The following PCDHA2 variants were observed in gnomAD, a reference collection of about 807,000 sequenced individuals.
PCDHA2 encodes the protein protocadherin alpha-2.
PCDHA2 carries 58 observed loss-of-function variants against 66.0 expected under a neutral mutation model. The observed-to-expected ratio is 0.88, with a 90% CI of 0.71 to 1.09. The LOEUF (loss-of-function observed/expected upper bound fraction) is 1.09. PCDHA2 is among the 50% of genes least tolerant of loss of function. The probability of loss-of-function intolerance (pLI) is 0.00; values close to 1 mark genes in which losing one functional copy is unlikely to be tolerated. For synonymous variants in PCDHA2, 634 were observed against 554.0 expected (o/e 1.14, Z -2.03); for missense variants, 1,267 against 1,242.3 (o/e 1.02, Z -0.30).
rs2150130630 is a variant in PCDHA2, at chr5:140,823,943, C to T, written c.2388+26591C>T. On this transcript the variant is annotated intron_variant, in intron 1 of 3. Coordinates refer to ENST00000526136, the MANE Select transcript of PCDHA2 (RefSeq NM_018905.3). ...CTGCTGTACACCGCGCTGCGGTGCT[C>T]GGCGCAGCCCACCGAGGCCGTGTGC... 6.8e-6 allele frequency: 11 copies of T among 1,613,800 alleles called. No individual in the cohort carries two copies. In the African/African-American group the frequency reaches 8.0e-5, roughly 12 times the overall value.
At chr5:140,935,732 A>G (rs933243274) in intron 1 of PCDHA2, among the ~76,000 whole-genome samples, 3 of 152,212 alleles carry the variant, frequency 2.0e-5, no homozygotes, top group African/African-American at 4.8e-5. Flanking sequence ...GAAGTCTAGT[A>G]TCTATTATTC....
In PCDHA2 at chr5:140,979,008, G is replaced by T; in HGVS notation, c.2447+1G>T. 1 of 1,613,990 alleles carries T rather than the reference G, an allele frequency of 6.2e-7. No individual in the cohort carries two copies. The highest frequency in any genetic ancestry group is 1.3e-5 in the African/African-American group (1 of 75,044). ...CCTCCCTGAGAGCAGGCATGCACAG[G>T]TATGTATTTCCCTCCTCATTCACTC... On this transcript the variant is annotated splice_donor_variant, in intron 2 of 3. Transcript: ENST00000526136. LOFTEE classifies it high-confidence loss of function.
chr5:140,876,936 G>T, intron 1 of PCDHA2: 1 of 1,613,730 alleles, frequency 6.2e-7, no homozygotes, highest in South Asian at 1.1e-5. Flanking sequence ...AGAAGAACGC[G>T]CTGGTGTCCT....
chr5:141,000,485 T>C (rs2097941579), intron 3 of PCDHA2, among the ~76,000 whole-genome samples: 2 of 135,980 alleles, frequency 1.5e-5, no homozygotes, highest in African/African-American at 5.5e-5. Flanking sequence ...TGGAGTGCAA[T>C]GGTAAGATCT....
intron 2 of PCDHA2, 37 bp from the exon 3 acceptor site, chr5:140,982,438 T>G: frequency 3.8e-5 from 61 of 1,608,838 alleles, no homozygotes; most frequent in Non-Finnish European, 4.8e-5. Context: ...AAAGAATTTA[T>G]GATCTAACCG....
At chr5:140,966,972 T>G (rs1554229007) in intron 1 of PCDHA2, 1 of 1,602,828 alleles carries the variant, frequency 6.2e-7, no homozygotes, top group African/African-American at 1.3e-5. Flanking sequence ...GGGCTTGAGC[T>G]GCGGCGCTTG....
chr5:140,821,626 A>G, intron 1 of PCDHA2: 2 of 917,604 alleles, frequency 2.2e-6, no homozygotes, highest in Non-Finnish European at 3.2e-6. Context: ...TTTTCCTTAG[A>G]CAGAAAGGAA....
chr5:140,869,730 T>G (rs1319130298), intron 1 of PCDHA2: 24 of 1,613,274 alleles, frequency 1.5e-5, no homozygotes, highest in Non-Finnish European at 2.0e-5. Context: ...CGGAACTTAA[T>G]TTGCTGCTAA....
intron 1 of PCDHA2, chr5:140,804,873 T>C: frequency 1.7e-6 from 1 of 576,524 alleles, no homozygotes; most frequent in Non-Finnish European, 2.8e-6. Context: ...TAGATATTTT[T>C]CTTGACTCCT....
chr5:140,973,199 G>A (rs574187280), intron 1 of PCDHA2, among the ~76,000 whole-genome samples: 3 of 152,296 alleles, frequency 2.0e-5, no homozygotes, highest in East Asian at 3.9e-4. Context: ...CACTATGTGT[G>A]CATATTCACC....
chr5:140,823,111 G>T (rs2150122430), intron 1 of PCDHA2: 3 of 1,614,060 alleles, frequency 1.9e-6, no homozygotes, highest in Non-Finnish European at 1.7e-6. Flanking sequence ...GGAAGTGGCC[G>T]ACGTGAACGA....
rs1450871721 is a variant in PCDHA2, at chr5:140,999,541, C to T, written c.2537-10086C>T. 3.3e-5 allele frequency among the ~76,000 whole-genome samples: 5 copies of T among 152,150 alleles called. No individual in the cohort carries two copies. The East Asian group carries it at 9.7e-4, about 29-fold the overall frequency. On this transcript the variant is annotated intron_variant, in intron 3 of 3. Coordinates refer to ENST00000526136, the MANE Select transcript of PCDHA2 (RefSeq NM_018905.3). ...TTTGTTACCCCCTGGATATGACAGC[C>T]AATGAAGAGGGGGTATTTTGAGAAG...
chr5:140,824,014 T>G, intron 1 of PCDHA2: 1 of 1,614,050 alleles, frequency 6.2e-7, no homozygotes, highest in Non-Finnish European at 8.5e-7. Context: ...GGTGGGGAGC[T>G]GGTCGTACTC....
chr5:140,899,534 T>A (rs2067388979), intron 1 of PCDHA2, among the ~76,000 whole-genome samples: 1 of 152,234 alleles, frequency 6.6e-6, no homozygotes, highest in Non-Finnish European at 1.5e-5. Context: ...TGAAGCCCAC[T>A]TGATCATGGT....
At chr5:140,879,512 G>C (rs1378276808) in intron 1 of PCDHA2, among the ~76,000 whole-genome samples, 1 of 152,156 alleles carries the variant, frequency 6.6e-6, no homozygotes, top group Non-Finnish European at 1.5e-5. Flanking sequence ...AGAGATTATT[G>C]ATATAGATTT....
At chr5:140,924,895 AAAAAAAAAAAT>A (rs1321698386) in intron 1 of PCDHA2, among the ~76,000 whole-genome samples, 1,704 of 132,168 alleles carry the variant, frequency 0.013, 31 homozygotes, top group African/African-American at 0.056. Flanking sequence ...AACCTGTCTC[AAAAAAAAAAAT>A]AAAATAAAAT....
At chr5:140,949,117 T>C (rs1295254726) in intron 1 of PCDHA2, among the ~76,000 whole-genome samples, 2 of 151,762 alleles carry the variant, frequency 1.3e-5, no homozygotes, top group Admixed American at 6.6e-5. Context: ...CAAATATTTT[T>C]GGTTTTCCTA....
chr5:140,806,657 T>C (rs1398130058), intron 1 of PCDHA2, among the ~76,000 whole-genome samples: 1 of 151,884 alleles, frequency 6.6e-6, no homozygotes, highest in Non-Finnish European at 1.5e-5. Context: ...GTGTTATCAT[T>C]AATAAAAAAA....
chr5:140,822,480 T>C, intron 1 of PCDHA2: 1 of 1,613,872 alleles, frequency 6.2e-7, no homozygotes, highest in African/African-American at 1.3e-5. Context: ...TGGATGCTAA[T>C]GATAACGCCC....
Sources: gnomAD v4.1 joint callset for allele counts (sites outside exome capture counted in the v4.1 genomes callset) on GRCh38, gnomAD v4.1.1 for gene constraint, MANE v1.5 for transcripts, NCBI Gene and HGNC (gene_info 2026-07-23, HGNC 2026-07-21) for gene names.